NCALD: variants seen among roughly 807,000 people sequenced by gnomAD.
The protein encoded by NCALD is neurocalcin-delta.
Under a neutral mutation model 18.6 loss-of-function variants are expected in NCALD, and 10 were observed. The observed-to-expected ratio is 0.54, with a 90% confidence interval of 0.33 to 0.91. The LOEUF is 0.91. Among genes scored for constraint, NCALD ranks in the 40% least tolerant of loss-of-function variants. The probability of loss-of-function intolerance (pLI) is 0.03; values close to 1 mark genes in which losing one functional copy is unlikely to be tolerated. For synonymous variants in NCALD, 88 were observed against 87.4 expected (o/e 1.01, Z -0.04); for missense variants, 184 against 247.6 (o/e 0.74, Z 1.72).
At chr8:101,803,007 A>T (rs911387779) in intron 4 of NCALD, among the ~76,000 whole-genome samples, 3 of 152,054 alleles carry the variant, frequency 2.0e-5, no homozygotes, top group Non-Finnish European at 2.9e-5. Flanking sequence ...AGGTGACTAT[A>T]CTTCAAAACA....
At chr8:101,970,470 T>C (rs1260586049) in intron 2 of NCALD, among the ~76,000 whole-genome samples, 1 of 152,164 alleles carries the variant, frequency 6.6e-6, no homozygotes, top group African/African-American at 2.4e-5. Flanking sequence ...CTGAATTTTT[T>C]GTAGAATTTT....
chr8:101,846,807 C>G (rs1814885135), intron 4 of NCALD, among the ~76,000 whole-genome samples: 1 of 152,210 alleles, frequency 6.6e-6, no homozygotes. Flanking sequence ...ATTTGCATTT[C>G]TAACAAGTTC....
chr8:101,859,391 G>C (rs1046443206), intron 4 of NCALD, among the ~76,000 whole-genome samples: 1 of 152,082 alleles, frequency 6.6e-6, no homozygotes, highest in Non-Finnish European at 1.5e-5. Context: ...CCTATTGTGG[G>C]ACTTCACTTT....
chr8:101,895,022 C>A (rs1046574011), intron 3 of NCALD, among the ~76,000 whole-genome samples: 29 of 150,530 alleles, frequency 1.9e-4, no homozygotes, highest in Admixed American at 1.8e-3. Context: ...ATGAGGCCAG[C>A]ATCATTCTGA....
chr8:101,911,271 GA>G (rs1359752418), intron 3 of NCALD, among the ~76,000 whole-genome samples: 3 of 140,748 alleles, frequency 2.1e-5, no homozygotes, highest in South Asian at 2.3e-4. Flanking sequence ...GTAGAGACTT[GA>G]AAAAAAAAAG....
At chr8:101,880,274 A>G (rs558772) in intron 4 of NCALD, among the ~76,000 whole-genome samples, 41,206 of 152,032 alleles carry the variant, frequency 0.27, 5,920 homozygotes, top group East Asian at 0.38. Context: ...GGCCAGCAGC[A>G]CTGGCCAGCC....
intron 1 of NCALD, among the ~76,000 whole-genome samples, chr8:102,080,859 T>C (rs981628152): frequency 2.0e-5 from 3 of 152,202 alleles, no homozygotes; most frequent in South Asian, 2.1e-4. Context: ...CATTTAATAG[T>C]GAGGCAAAGC....
At chr8:101,847,971 T>C (rs1178063792) in intron 4 of NCALD, among the ~76,000 whole-genome samples, 1 of 151,870 alleles carries the variant, frequency 6.6e-6, no homozygotes, top group African/African-American at 2.4e-5. Context: ...AGGTCTGTAG[T>C]AGGGATGGGG....
intron 1 of NCALD, among the ~76,000 whole-genome samples, chr8:101,742,438 T>A (rs977258770): frequency 6.6e-6 from 1 of 152,214 alleles, no homozygotes; most frequent in Non-Finnish European, 1.5e-5. Context: ...CTGAGTCAAT[T>A]GCTTATTTCT....
chr8:101,689,156 G>C lies in NCALD; in HGVS notation c.*153C>G, dbSNP rs1055849369. ...TTCCCACGAAGCATCCACGACAAAA[G>C]AAGCTGAAGGCGTCACGGAGGAAGG... is the stretch of plus-strand genomic sequence containing the variant. On this transcript the variant is annotated 3_prime_UTR_variant, in exon 4 of 4. Transcript: ENST00000220931. This position sits in a 1 kb window ranked among gnomAD's most constrained non-coding sequence, Gnocchi z 4.4. 7 of 744,030 alleles carry C rather than the reference G, an allele frequency of 9.4e-6. No individual in the cohort carries two copies. The highest frequency in any genetic ancestry group is 1.7e-5 in the Non-Finnish European group (7 of 420,154). The allele number at this position is 744,030 out of a possible 1,614,324, so 46.1% of individuals were successfully genotyped here. A position where few individuals can be genotyped will look rare whatever the true frequency, so the allele number is the denominator to read the frequency against.
chr8:102,000,354 C>T (rs1157903418), intron 2 of NCALD, among the ~76,000 whole-genome samples: 1 of 152,046 alleles, frequency 6.6e-6, no homozygotes, highest in East Asian at 1.9e-4. Context: ...CCGAGGGGTG[C>T]CCGCCATTCC....
intron 4 of NCALD, among the ~76,000 whole-genome samples, chr8:101,811,108 C>T (rs1813287938): frequency 6.6e-6 from 1 of 152,118 alleles, no homozygotes; most frequent in Admixed American, 6.5e-5. Flanking sequence ...CCTGTACCTG[C>T]CCCCCATGTG....
intron 4 of NCALD, among the ~76,000 whole-genome samples, chr8:101,882,135 A>C (rs1207942853): frequency 6.6e-6 from 1 of 152,174 alleles, no homozygotes; most frequent in Non-Finnish European, 1.5e-5. Flanking sequence ...TCTGGTTCAA[A>C]ATGACAATAG....
intron 2 of NCALD, among the ~76,000 whole-genome samples, chr8:101,988,420 A>G (rs1820910336): frequency 6.6e-6 from 1 of 152,202 alleles, no homozygotes; most frequent in Non-Finnish European, 1.5e-5. Context: ...CCTAGTGAAT[A>G]TCCCAGCTCT....
At chr8:101,713,091 T>A (rs1019220252) in intron 2 of NCALD, among the ~76,000 whole-genome samples, 1 of 152,078 alleles carries the variant, frequency 6.6e-6, no homozygotes, top group Non-Finnish European at 1.5e-5. Context: ...CAGACCATAA[T>A]GCAATCAACT....
chr8:102,040,135 G>T (rs561065300), intron 1 of NCALD, among the ~76,000 whole-genome samples: 36 of 152,264 alleles, frequency 2.4e-4, no homozygotes, highest in African/African-American at 8.4e-4. Flanking sequence ...CATACATAAA[G>T]TCTAGCTTAT....
chr8:101,924,114 C>T (rs1033122709), intron 2 of NCALD, among the ~76,000 whole-genome samples: 6 of 152,246 alleles, frequency 3.9e-5, no homozygotes, highest in Admixed American at 1.3e-4. Flanking sequence ...CTATTGTTCC[C>T]ATCTTTACCA....
At chr8:101,766,573 G>A (rs1811356652) in intron 1 of NCALD, among the ~76,000 whole-genome samples, 1 of 152,048 alleles carries the variant, frequency 6.6e-6, no homozygotes, top group Non-Finnish European at 1.5e-5. Flanking sequence ...TTCCAAAGAA[G>A]TTTCTTTGTT....
At chr8:101,847,205 C>T (rs540974429) in intron 4 of NCALD, 54 of 177,206 alleles carry the variant, frequency 3.0e-4, no homozygotes, top group African/African-American at 1.1e-3. Flanking sequence ...TTTTCCACCA[C>T]AAATGGCTCA....
Sources: gnomAD v4.1 joint callset for allele counts (sites outside exome capture counted in the v4.1 genomes callset) on GRCh38, gnomAD v4.1.1 for gene constraint, Gnocchi (gnomAD v3.1) non-coding constraint, MANE v1.5 for transcripts, NCBI Gene and HGNC (gene_info 2026-07-23, HGNC 2026-07-21) for gene names.